The following C10orf90 variants were observed in gnomAD, a reference collection of about 807,000 sequenced individuals.
C10orf90 encodes chromosome 10 open reading frame 90.
Under a neutral mutation model 62.5 loss-of-function variants are expected in C10orf90, and 56 were observed. That is an observed-to-expected ratio of 0.90 (90% CI 0.72 to 1.12). The LOEUF (loss-of-function observed/expected upper bound fraction) is 1.12, where lower values mean the gene tolerates loss of function less well. Ranked by LOEUF, C10orf90 falls within the 50% of genes most tolerant of loss-of-function variation. C10orf90 has a pLI of 0.00. For synonymous variants in C10orf90, 386 were observed against 340.4 expected (o/e 1.13, Z -1.47); for missense variants, 970 against 880.4 (o/e 1.10, Z -1.29).
At chr10:126,489,918 A>G (rs574448979) in intron 4 of C10orf90, among the ~76,000 whole-genome samples, 20 of 142,236 alleles carry the variant, frequency 1.4e-4, no homozygotes, top group Non-Finnish European at 1.7e-4. Flanking sequence ...ACATGCATAC[A>G]ATTGGAGGCT....
At chr10:126,496,324 C>T (rs1862054248) in intron 4 of C10orf90, among the ~76,000 whole-genome samples, 1 of 152,146 alleles carries the variant, frequency 6.6e-6, no homozygotes, top group South Asian at 2.1e-4. Context: ...CATGAGCAAC[C>T]TTTAGATACC....
chr10:126,655,403 G>A (rs1385165229), intron 1 of C10orf90, among the ~76,000 whole-genome samples: 1 of 152,166 alleles, frequency 6.6e-6, no homozygotes, highest in African/African-American at 2.4e-5. Flanking sequence ...GAAATATTGT[G>A]AGAATTTCTA....
intron 2 of C10orf90, among the ~76,000 whole-genome samples, chr10:126,642,489 G>T (rs189190325): frequency 6.6e-6 from 1 of 152,030 alleles, no homozygotes; most frequent in Non-Finnish European, 1.5e-5. Flanking sequence ...CCCAGATCGC[G>T]CCACTGCACT....
chr10:126,561,275 A>G (rs1591098854), intron 2 of C10orf90, among the ~76,000 whole-genome samples: 1 of 152,318 alleles, frequency 6.6e-6, no homozygotes, highest in Non-Finnish European at 1.5e-5. Context: ...TCAACCTCTA[A>G]TTAATCTTAA....
intron 2 of C10orf90, among the ~76,000 whole-genome samples, chr10:126,587,979 C>A (rs967607520): frequency 1.3e-5 from 2 of 152,168 alleles, no homozygotes; most frequent in African/African-American, 4.8e-5. Context: ...AGGCAAGTGG[C>A]CCTGTTCTGT....
chr10:126,578,328 C>G (rs1396832887), intron 2 of C10orf90, among the ~76,000 whole-genome samples: 1 of 152,172 alleles, frequency 6.6e-6, no homozygotes, highest in East Asian at 1.9e-4. Flanking sequence ...GAGCAAAGAA[C>G]TTAGACTTTT....
At position 126,504,917 on chromosome 10, in the gene C10orf90, T is replaced by C; in HGVS notation, c.574A>G (p.Asn192Asp). The change falls in exon 4 of 10, where the codon AAC becomes GAC. Residue 192 changes from asparagine to aspartate, a missense_variant. Coordinates refer to ENST00000488181, the MANE Select transcript of C10orf90 (RefSeq NM_001350921.2). The surrounding 1 kb of genome is among the most constrained non-coding windows in gnomAD (Gnocchi z 4.1). Reference protein sequence around the residue: ...KQSLANRSGVNIHRAFALLPG... With the variant: ...KQSLANRSGVDIHRAFALLPG... Reference sequence around the variant, plus strand: ...AGTAACGCAAATGCTCTGTGAATGTTGACTCCGCTGCGGTTAGCCAGAGAT... The same window carrying C: ...AGTAACGCAAATGCTCTGTGAATGTCGACTCCGCTGCGGTTAGCCAGAGAT... The C allele has an allele frequency of 6.2e-7, 1 of 1,614,200 alleles. No individual in the cohort carries two copies. Among genetic ancestry groups the C allele is most frequent in the Non-Finnish European group, 8.5e-7 (1 of 1,180,032 alleles).
Position 126,670,665 on chromosome 10 carries a change from T to C in C10orf90, c.-185A>G, listed in dbSNP as rs1591189499. 3.6e-5 allele frequency among the ~76,000 whole-genome samples: 4 copies of C among 110,892 alleles called. No individual in the cohort carries two copies. In the South Asian group the frequency reaches 1.2e-3, roughly 33 times the overall value. 72.7% of individuals were successfully genotyped at this position (110,892 alleles called of 152,430 possible). On this transcript the variant is annotated 5_prime_UTR_variant, in exon 1 of 10. Coordinates refer to ENST00000488181, the MANE Select transcript of C10orf90 (RefSeq NM_001350921.2). ...GCTACATTTGTGAAGGATGTGGATGTGGGAACCTCAGGGGTGACCTTTACG... is the reference window on the plus strand; with the variant it reads ...GCTACATTTGTGAAGGATGTGGATGCGGGAACCTCAGGGGTGACCTTTACG...
intron 2 of C10orf90, among the ~76,000 whole-genome samples, chr10:126,639,156 T>C (rs1009262195): frequency 6.6e-6 from 1 of 152,224 alleles, no homozygotes; most frequent in Non-Finnish European, 1.5e-5. Flanking sequence ...TAGGCTCTGA[T>C]GCTACAGGCC....
intron 2 of C10orf90, among the ~76,000 whole-genome samples, chr10:126,536,140 A>C (rs1339737102): frequency 6.6e-6 from 1 of 152,160 alleles, no homozygotes; most frequent in East Asian, 1.9e-4. Flanking sequence ...GCCTCCTTCG[A>C]CAGGGACAAT....
At chr10:126,590,086 A>G (rs1199956335) in intron 2 of C10orf90, among the ~76,000 whole-genome samples, 1 of 151,952 alleles carries the variant, frequency 6.6e-6, no homozygotes, top group Non-Finnish European at 1.5e-5. Context: ...CAAAGATCAA[A>G]AAAGACAAAC....
chr10:126,621,715 G>A (rs939166803), intron 2 of C10orf90, among the ~76,000 whole-genome samples: 1 of 152,082 alleles, frequency 6.6e-6, no homozygotes, highest in Non-Finnish European at 1.5e-5. Context: ...CTTATGGATT[G>A]TTTTTTCTGA....
chr10:126,639,766 C>A (rs1846023393), intron 2 of C10orf90, among the ~76,000 whole-genome samples: 1 of 152,204 alleles, frequency 6.6e-6, no homozygotes, highest in Non-Finnish European at 1.5e-5. Context: ...TGCAGTTGAG[C>A]TCCTTTCGTA....
intron 7 of C10orf90, among the ~76,000 whole-genome samples, chr10:126,442,677 A>ATATG (rs1168373404): frequency 8.7e-6 from 1 of 114,534 alleles, no homozygotes; most frequent in African/African-American, 3.4e-5. Flanking sequence ...ATATATATAT[A>ATATG]GAACATTTCA....
chr10:126,555,004 T>C (rs1864727354), intron 2 of C10orf90, among the ~76,000 whole-genome samples: 1 of 152,176 alleles, frequency 6.6e-6, no homozygotes, highest in African/African-American at 2.4e-5. Flanking sequence ...GGAAAATGTC[T>C]CCCAGATTTC....
intron 2 of C10orf90, among the ~76,000 whole-genome samples, chr10:126,606,513 C>A (rs938577620): frequency 6.6e-6 from 1 of 152,140 alleles, no homozygotes; most frequent in Admixed American, 6.5e-5. Context: ...GGTGTGGGCT[C>A]TCCAACACTG....
chr10:126,457,552 T>TCC (rs1859664836), intron 7 of C10orf90, among the ~76,000 whole-genome samples: 1 of 152,204 alleles, frequency 6.6e-6, no homozygotes, highest in Non-Finnish European at 1.5e-5. Context: ...AAGGAAGCCC[T>TCC]CCGTGCCATT....
chr10:126,603,807 T>C (rs1428491157), intron 2 of C10orf90, among the ~76,000 whole-genome samples: 5 of 152,072 alleles, frequency 3.3e-5, no homozygotes, highest in Non-Finnish European at 5.9e-5. Flanking sequence ...CTCACAGTGG[T>C]GTGGTTGAAT....
At chr10:126,628,994 G>A (rs1845801860) in intron 2 of C10orf90, among the ~76,000 whole-genome samples, 1 of 152,192 alleles carries the variant, frequency 6.6e-6, no homozygotes, top group African/African-American at 2.4e-5. Context: ...TCTCTGCATG[G>A]TGCTTCTGTA....
Sources: allele counts gnomAD v4.1 joint callset (sites outside exome capture counted in the v4.1 genomes callset), GRCh38; gene constraint gnomAD v4.1.1; non-coding constraint Gnocchi (gnomAD v3.1); transcripts MANE v1.5; gene names NCBI Gene and HGNC (gene_info 2026-07-23, HGNC 2026-07-21).